The following CYLD variants were observed in gnomAD, a reference collection of about 807,000 sequenced individuals.
The protein encoded by CYLD is ubiquitin carboxyl-terminal hydrolase CYLD.
In CYLD, 26 loss-of-function variants were observed where a neutral mutation model predicts 104.5. The observed-to-expected ratio is 0.25, with a 90% confidence interval of 0.18 to 0.35. CYLD has a LOEUF of 0.35. CYLD is among the 10% of genes least tolerant of loss of function. The pLI is 1.00. For missense variants in CYLD, 703 were observed against 1,136.1 expected (o/e 0.62, Z 5.48); for synonymous variants, 385 against 399.9 (o/e 0.96, Z 0.45).
chr16:50,798,484 T>G lies in CYLD; in HGVS notation c.*1976T>G, dbSNP rs975881489. 1 of 232,664 alleles carries G rather than the reference T, an allele frequency of 4.3e-6. No homozygotes were observed. The highest frequency in any genetic ancestry group is 8.5e-6 in the Non-Finnish European group (1 of 117,764). 14.4% of individuals were successfully genotyped at this position (232,664 alleles called of 1,614,324 possible). On this transcript the variant is annotated 3_prime_UTR_variant, in exon 19 of 19. Transcript: ENST00000427738. ...TACAGGAGGATGTGTGTCAGTTATA[T>G]GCAAATTCTGTACCATTTTGTATCA...
At chr16:50,763,939 A>G (rs1968219164) in intron 5 of CYLD, among the ~76,000 whole-genome samples, 1 of 152,174 alleles carries the variant, frequency 6.6e-6, no homozygotes, top group African/African-American at 2.4e-5. Context: ...GTTTTCTAAC[A>G]GTTTTATCAT....
At chr16:50,760,615 A>G (rs1381899510) in intron 5 of CYLD, among the ~76,000 whole-genome samples, 1 of 152,170 alleles carries the variant, frequency 6.6e-6, no homozygotes, top group African/African-American at 2.4e-5. Context: ...GTATATTTGC[A>G]AACAGAGGTT....
Position 50,794,111 on chromosome 16 carries a change from A to C in CYLD, c.2470-101A>C. 2 of 1,117,254 alleles carry C rather than the reference A, an allele frequency of 1.8e-6. No individual in the cohort carries two copies. The highest frequency in any genetic ancestry group is 2.7e-6 in the Non-Finnish European group (2 of 739,706). The allele number at this position is 1,117,254 out of a possible 1,614,324, so 69.2% of individuals were successfully genotyped here. ...CCCAGCTAATTTTTGTATTTTTAAC[A>C]GAGACAGGGTTTCACCATCTTGATC... On this transcript the variant is annotated intron_variant, in intron 17 of 18. Coordinates refer to ENST00000427738, the MANE Select transcript of CYLD (RefSeq NM_001378743.1). The surrounding 1 kb of genome is among the most constrained non-coding windows in gnomAD (Gnocchi z 4.1).
In CYLD at chr16:50,754,399, A is replaced by G. The variant is rs781643645; in HGVS notation, c.888A>G (p.Leu296=). The part of the protein sequence containing the change: ...CSFACVESTI[L]LHINDIIPAL... ...TTGCGTGTGTTGAAAGTACAATTCT[A>G]TTGCACATCAATGATATCATCCCAG... The change falls in exon 5 of 19, where the codon CTA becomes CTG. Residue 296 remains leucine, a synonymous_variant. Coordinates refer to ENST00000427738, the MANE Select transcript of CYLD (RefSeq NM_001378743.1). 44 of 1,610,734 alleles carry G rather than the reference A, an allele frequency of 2.7e-5. No homozygotes were observed. Among genetic ancestry groups the G allele is most frequent in the Middle Eastern group, 1.7e-4 (1 of 5,984 alleles).
intron 2 of CYLD, among the ~76,000 whole-genome samples, chr16:50,746,739 C>T (rs531325274): frequency 2.6e-5 from 4 of 152,046 alleles, no homozygotes; most frequent in African/African-American, 9.6e-5. Context: ...TCAATTTTTA[C>T]TGTGGATTCT....
At chr16:50,748,764 G>C (rs1197393869) in intron 2 of CYLD, among the ~76,000 whole-genome samples, 1 of 152,100 alleles carries the variant, frequency 6.6e-6, no homozygotes, top group Non-Finnish European at 1.5e-5. Flanking sequence ...GATGAACATT[G>C]CCCATCTTCA....
intron 2 of CYLD, among the ~76,000 whole-genome samples, chr16:50,743,831 A>G (rs1487975899): frequency 1.3e-5 from 2 of 152,246 alleles, no homozygotes; most frequent in African/African-American, 2.4e-5. Context: ...TCTTATATGT[A>G]TAACAATGAA....
chr16:50,801,618 A>G lies in CYLD; in HGVS notation c.*5110A>G, dbSNP rs1435967926. The G allele has an allele frequency of 4.3e-6, 1 of 233,590 alleles. No homozygotes were observed. The highest frequency in any genetic ancestry group is 8.5e-6 in the Non-Finnish European group (1 of 117,964). 14.5% of individuals were successfully genotyped at this position (233,590 alleles called of 1,614,324 possible). On this transcript the variant is annotated 3_prime_UTR_variant, in exon 19 of 19. Transcript: ENST00000427738. ...CATCAGATCATAAACATTCATTAAA[A>G]GAACTCACATCCCATCTGAAACTTC...
At chr16:50,784,547 A>G (rs924755419) in intron 12 of CYLD, 96 bp downstream of exon 12, 1 of 1,291,036 alleles carries the variant, frequency 7.7e-7, no homozygotes, top group Non-Finnish European at 1.1e-6. Flanking sequence ...TTCATGTAAT[A>G]AGAGATGGGT....
Position 50,787,811 on chromosome 16 carries a change from G to C in CYLD, c.2067G>C (p.Leu689=). Residue 689 remains leucine (L), a synonymous_variant, in exon 14 of 19, where the codon CTG becomes CTC. Coordinates refer to ENST00000427738, the MANE Select transcript of CYLD (RefSeq NM_001378743.1). ...ATCCTGAGGAATTCTTGAATATTCT[G>C]TTTCATCATATTTTAAGGGTAGAAC... is the stretch of plus-strand genomic sequence containing the variant. ...EKDPEEFLNI[L]FHHILRVEPL... 1.3e-6 allele frequency: 2 copies of C among 1,558,496 alleles called. No homozygotes were observed. Among genetic ancestry groups the C allele is most frequent in the African/African-American group, 1.4e-5 (1 of 73,890 alleles).
At chr16:50,779,365 G>T (rs770899249) in intron 8 of CYLD, among the ~76,000 whole-genome samples, 1 of 151,774 alleles carries the variant, frequency 6.6e-6, no homozygotes, top group South Asian at 2.1e-4. Flanking sequence ...GTATCTTTTT[G>T]TACTGCCTTC....
chr16:50,751,543 C>T, intron 3 of CYLD, 61 bp from the exon 4 acceptor site: 1 of 1,477,636 alleles, frequency 6.8e-7, no homozygotes, highest in Non-Finnish European at 9.4e-7. Flanking sequence ...CTAGAGTGAA[C>T]CCCTTTTCCT....
chr16:50,761,296 A>G (rs1967894909), intron 5 of CYLD, among the ~76,000 whole-genome samples: 1 of 152,178 alleles, frequency 6.6e-6, no homozygotes, highest in Non-Finnish European at 1.5e-5. Context: ...GTGGTAAAAT[A>G]TACCTAACAG....
intron 3 of CYLD, 31 bp from the exon 4 acceptor site, chr16:50,751,569 ATATC>A: frequency 6.2e-7 from 1 of 1,602,314 alleles, no homozygotes; most frequent in Non-Finnish European, 8.5e-7. Flanking sequence ...TCGTCTTTCT[ATATC>A]TATTTCTTTC....
chr16:50,786,766 AAAAAAAAG>A, intron 12 of CYLD, 81 bp from the exon 13 acceptor site: 2 of 1,056,814 alleles, frequency 1.9e-6, no homozygotes, highest in Non-Finnish European at 2.8e-6. Flanking sequence ...TATCTCAAAA[AAAAAAAAG>A]AAAAAAAGAA....
Position 50,799,042 on chromosome 16 carries a change from C to T in CYLD, c.*2534C>T. 4.3e-6 allele frequency: 1 copy of T among 233,468 alleles called. No homozygotes were observed. The highest frequency in any genetic ancestry group is 8.5e-6 in the Non-Finnish European group (1 of 118,084). The allele number at this position is 233,468 out of a possible 1,614,324, so 14.5% of individuals were successfully genotyped here. ...CAGCACAGCCTGGTTTGTCAAGAGG[C>T]ACATAGTTGGGGCTGGGCTGCATGG... On this transcript the variant is annotated 3_prime_UTR_variant, in exon 19 of 19. Transcript: ENST00000427738.
chr16:50,776,990 C>CT (rs1247599411), intron 7 of CYLD, among the ~76,000 whole-genome samples: 1 of 152,126 alleles, frequency 6.6e-6, no homozygotes, highest in Non-Finnish European at 1.5e-5. Context: ...AGGTAACAGT[C>CT]TTTTTTATGT....
intron 2 of CYLD, among the ~76,000 whole-genome samples, chr16:50,744,318 C>T (rs896049012): frequency 6.6e-6 from 1 of 152,042 alleles, no homozygotes; most frequent in African/African-American, 2.4e-5. Context: ...CTCTGTATCT[C>T]TATTCTTTAG....
intron 5 of CYLD, 67 bp from the exon 6 acceptor site, chr16:50,775,099 A>C (rs559162579): frequency 1.4e-6 from 2 of 1,388,750 alleles, no homozygotes; most frequent in African/African-American, 2.8e-5. Context: ...AAATGTAAAA[A>C]TTTTCCTATT....
Sources: gnomAD v4.1 joint callset for allele counts (sites outside exome capture counted in the v4.1 genomes callset) on GRCh38, gnomAD v4.1.1 for gene constraint, Gnocchi (gnomAD v3.1) non-coding constraint, MANE v1.5 for transcripts, NCBI Gene and HGNC (gene_info 2026-07-23, HGNC 2026-07-21) for gene names.